The following SOX5 variants were observed in gnomAD, a reference collection of about 807,000 sequenced individuals.
The protein encoded by SOX5 is SRY-box transcription factor 5.
SOX5 carries 9 observed loss-of-function variants against 92.0 expected under a neutral mutation model. The ratio of observed to expected loss-of-function variants is 0.10; its 90% CI spans 0.06 to 0.17. The LOEUF is 0.17. Ranked by LOEUF, SOX5 falls within the 10% of genes least tolerant of loss-of-function variation. The pLI is 1.00. For missense variants in SOX5, 642 were observed against 944.5 expected (o/e 0.68, Z 4.20); for synonymous variants, 344 against 336.3 (o/e 1.02, Z -0.25).
chr12:23,553,484 C>T (rs1040370388), intron 11 of SOX5, among the ~76,000 whole-genome samples: 1 of 151,860 alleles, frequency 6.6e-6, no homozygotes, highest in African/African-American at 2.4e-5. Flanking sequence ...AAATATGGGC[C>T]CTTGCTTCTT....
chr12:23,952,314 T>C (rs941381452), upstream of SOX5, among the ~76,000 whole-genome samples: 1 of 152,148 alleles, frequency 6.6e-6, no homozygotes, highest in Non-Finnish European at 1.5e-5. Flanking sequence ...ATCCGTATGG[T>C]CCCAGCTGCT....
intron 4 of SOX5, among the ~76,000 whole-genome samples, chr12:23,978,901 C>T (rs1042492537): frequency 6.6e-6 from 1 of 152,134 alleles, no homozygotes; most frequent in East Asian, 1.9e-4. Context: ...TCTATCATAT[C>T]TCCTCTTCCC....
At chr12:24,441,781 C>A (rs1377681138) in intron 1 of SOX5, among the ~76,000 whole-genome samples, 1 of 152,050 alleles carries the variant, frequency 6.6e-6, no homozygotes, top group East Asian at 1.9e-4. Flanking sequence ...TTTTAGGAAA[C>A]CATTTTATTG....
chr12:24,399,726 G>A (rs1356151627), intron 1 of SOX5, among the ~76,000 whole-genome samples: 1 of 152,214 alleles, frequency 6.6e-6, no homozygotes, highest in Non-Finnish European at 1.5e-5. Context: ...GCTTTCCAAA[G>A]AGCCATGGAA....
At chr12:23,820,153 T>G (rs2096077833) in intron 3 of SOX5, among the ~76,000 whole-genome samples, 1 of 152,216 alleles carries the variant, frequency 6.6e-6, no homozygotes, top group Admixed American at 6.5e-5. Flanking sequence ...CTCATTGTGG[T>G]TTTGATTTGC....
At chr12:24,549,684 A>G (rs1952962962) in intron 1 of SOX5, among the ~76,000 whole-genome samples, 1 of 152,226 alleles carries the variant, frequency 6.6e-6, no homozygotes, top group East Asian at 1.9e-4. Flanking sequence ...GATCACAAGC[A>G]AATTATTCTT....
chr12:23,622,223 T>C (rs1246041689), intron 8 of SOX5, among the ~76,000 whole-genome samples: 1 of 152,124 alleles, frequency 6.6e-6, no homozygotes, highest in African/African-American at 2.4e-5. Context: ...AAATATAATT[T>C]AATTTCATAC....
chr12:23,597,469 A>G (rs1390041720), intron 9 of SOX5, among the ~76,000 whole-genome samples: 1 of 152,238 alleles, frequency 6.6e-6, no homozygotes. Context: ...TCAACTGAAT[A>G]AAGATGAAAA....
chr12:23,534,227 C>A lies in SOX5; in HGVS notation c.2284G>T (p.Ala762Ser). Residue 762 changes from alanine (A) to serine (S), a missense_variant, in exon 15 of 15, where the codon GCC (alanine) becomes TCC (serine). Ala to Ser is a moderately conservative substitution (Grantham distance 99). Coordinates refer to ENST00000451604, the MANE Select transcript of SOX5 (RefSeq NM_006940.6). ...CAATCTTTTGACCCTTATCAGTTGGCTTGTCCTGCAATATGGTTTTCACTG... is the reference window on the plus strand; with the variant it reads ...CAATCTTTTGACCCTTATCAGTTGGATTGTCCTGCAATATGGTTTTCACTG... ...SDSENHIAGQ[A>S]N 1 of 1,613,538 alleles carries A rather than the reference C, an allele frequency of 6.2e-7. No homozygotes were observed. Among genetic ancestry groups the A allele is most frequent in the Non-Finnish European group, 8.5e-7 (1 of 1,179,542 alleles).
intron 6 of SOX5, among the ~76,000 whole-genome samples, chr12:23,732,510 C>G (rs758580869): frequency 9.9e-5 from 15 of 152,216 alleles, no homozygotes; most frequent in Non-Finnish European, 1.9e-4. Context: ...CAGTCTTGCT[C>G]AGTACTTATT....
intron 4 of SOX5, among the ~76,000 whole-genome samples, chr12:24,107,341 A>T (rs1946805255): frequency 6.6e-6 from 1 of 152,218 alleles, no homozygotes. Flanking sequence ...CCAAGGAAGA[A>T]TGATTGAGTT....
intron 3 of SOX5, among the ~76,000 whole-genome samples, chr12:23,842,627 C>T (rs2096532193): frequency 6.6e-6 from 1 of 151,956 alleles, no homozygotes; most frequent in Non-Finnish European, 1.5e-5. Flanking sequence ...AATGAATCCC[C>T]AATATCTTAC....
At chr12:23,636,895 T>C (rs955807713) in intron 8 of SOX5, among the ~76,000 whole-genome samples, 2 of 152,196 alleles carry the variant, frequency 1.3e-5, no homozygotes, top group African/African-American at 4.8e-5. Flanking sequence ...GATTTTGGAC[T>C]CTGTGACCCC....
chr12:24,176,977 GTTTT>G (rs11295163), intron 4 of SOX5, among the ~76,000 whole-genome samples: 4,976 of 135,150 alleles, frequency 0.037, 107 homozygotes, highest in Middle Eastern at 0.065. Context: ...TTTGTTTTTT[GTTTT>G]TTTTTTTTTT....
rs536374869 is a variant in SOX5, at chr12:23,657,239, G to A, written c.931+8205C>T. ...GAGCAAGCCTGAGACTGGATGTCAT[G>A]GAGTTACCATATAAGCGATGCTTAG... On this transcript the variant is annotated intron_variant, in intron 7 of 14. Transcript: ENST00000451604. 9.2e-5 allele frequency among the ~76,000 whole-genome samples: 14 copies of A among 152,202 alleles called. No homozygotes were observed. In the South Asian group the frequency reaches 2.7e-3, roughly 29 times the overall value.
intron 4 of SOX5, among the ~76,000 whole-genome samples, chr12:24,004,035 A>C (rs978593288): frequency 1.3e-4 from 20 of 152,048 alleles, no homozygotes; most frequent in African/African-American, 4.8e-4. Context: ...TAAGGTGCCA[A>C]AGCAATTTAA....
At chr12:23,729,546 AAGGTATGACT>A (rs1158008231) in intron 6 of SOX5, among the ~76,000 whole-genome samples, 1 of 152,214 alleles carries the variant, frequency 6.6e-6, no homozygotes, top group African/African-American at 2.4e-5. Flanking sequence ...CAGTGACCCA[AAGGTATGACT>A]AGTCCTGCAC....
intron 2 of SOX5, among the ~76,000 whole-genome samples, chr12:24,349,792 T>C (rs1046957628): frequency 2.6e-5 from 4 of 152,174 alleles, no homozygotes; most frequent in South Asian, 4.1e-4. Flanking sequence ...TCTGGAGATA[T>C]ATACACAGAA....
chr12:23,810,233 C>G (rs372413643), intron 3 of SOX5, among the ~76,000 whole-genome samples: 1 of 152,166 alleles, frequency 6.6e-6, no homozygotes, highest in South Asian at 2.1e-4. Context: ...ATGTAACACA[C>G]GACAGAATAT....
Sources: gnomAD v4.1 joint callset for allele counts (sites outside exome capture counted in the v4.1 genomes callset) on GRCh38, gnomAD v4.1.1 for gene constraint, MANE v1.5 for transcripts, NCBI Gene and HGNC (gene_info 2026-07-23, HGNC 2026-07-21) for gene names.